KIAA0586: variants seen among roughly 807,000 people sequenced by gnomAD.
The protein encoded by KIAA0586 is protein TALPID3.
A neutral mutation model predicts 169.8 loss-of-function variants in KIAA0586; 144 were observed. The ratio of observed to expected loss-of-function variants is 0.85; its 90% CI spans 0.74 to 0.97. KIAA0586 has a LOEUF of 0.97. Among genes scored for constraint, KIAA0586 ranks in the 50% least tolerant of loss-of-function variants. The pLI, the probability that KIAA0586 is intolerant of heterozygous loss-of-function variation, is 0.00. For missense variants in KIAA0586, 1,854 were observed against 1,823.0 expected (o/e 1.02, Z -0.31); for synonymous variants, 625 against 612.4 (o/e 1.02, Z -0.30).
At position 58,443,883 on chromosome 14, in the gene KIAA0586, C is replaced by A. The variant is rs1446934967; in HGVS notation, c.586-71C>A. 7.7e-6 allele frequency: 7 copies of A among 903,308 alleles called. No individual in the cohort carries two copies. In the East Asian group the frequency reaches 1.1e-4, roughly 14 times the overall value. The allele number at this position is 903,308 out of a possible 1,614,324, so 56.0% of individuals were successfully genotyped here. On this transcript the variant is annotated intron_variant, in intron 5 of 30. Coordinates refer to ENST00000652326, the MANE Select transcript of KIAA0586 (RefSeq NM_001329943.3). ...TATCAATGCCAATTGATTTAAATAA[C>A]ATTTCTAGTAATTAGACATATTTTT...
Position 58,457,834 on chromosome 14 carries a change from A to G in KIAA0586, c.1438A>G (p.Thr480Ala). 1 of 1,608,266 alleles carries G rather than the reference A, an allele frequency of 6.2e-7. No homozygotes were observed. Residue 480 changes from threonine (T) to alanine (A), a missense_variant, in exon 11 of 31, where the codon ACA (threonine) becomes GCA (alanine). Transcript: ENST00000652326. ...TGTTAAGCTTCAAACAACCAATACA[A>G]CAAGATCTGTATTGAAAGATGCTGA... ...NSVKLQTTNT[T>A]RSVLKDAEKI... is the part of the protein sequence containing the mutation.
chr14:58,477,256 A>AT lies in KIAA0586; in HGVS notation c.2944+24dup, dbSNP rs768128741. ...TTCTGACATTGGTAAGTGAAATAGA[A>AT]TTTTTTTTTGTTTTTATTAAAAGAC... On this transcript the variant is annotated intron_variant, in intron 20 of 30. Coordinates refer to ENST00000652326, the MANE Select transcript of KIAA0586 (RefSeq NM_001329943.3). The AT allele has an allele frequency of 3.0e-4, 404 of 1,365,950 alleles. No individual in the cohort carries two copies. Among genetic ancestry groups the AT allele is most frequent in the Middle Eastern group, 3.7e-4 (2 of 5,368 alleles). 84.6% of individuals were successfully genotyped at this position (1,365,950 alleles called of 1,614,324 possible). A position where few individuals can be genotyped will look rare whatever the true frequency, so the allele number is the denominator to read the frequency against.
At chr14:58,444,417 A>C (rs1358488975) in intron 6 of KIAA0586, among the ~76,000 whole-genome samples, 1 of 151,884 alleles carries the variant, frequency 6.6e-6, no homozygotes, top group Non-Finnish European at 1.5e-5. Flanking sequence ...ATTTTTGTTC[A>C]TATCATTTTT....
At chr14:58,518,894 G>A (rs2044970813) in intron 29 of KIAA0586, among the ~76,000 whole-genome samples, 2 of 152,192 alleles carry the variant, frequency 1.3e-5, no homozygotes, top group South Asian at 4.1e-4. Context: ...CACTTTGAGA[G>A]GCCGAGGCAG....
chr14:58,427,476 C>T (rs1175765520), upstream of KIAA0586: 6 of 945,108 alleles, frequency 6.3e-6, no homozygotes, highest in Non-Finnish European at 9.5e-6. Context: ...AAGTCGGGAG[C>T]TCTTCAAGTC....
chr14:58,465,990 A>G lies in KIAA0586; in HGVS notation c.2215A>G (p.Thr739Ala), dbSNP rs2040735191. The G allele has an allele frequency of 1.2e-6, 2 of 1,612,958 alleles. No homozygotes were observed. Among genetic ancestry groups the G allele is most frequent in the African/African-American group, 1.3e-5 (1 of 74,916 alleles). The change falls in exon 15 of 31, where the codon ACA becomes GCA. Residue 739 changes from threonine (T) to alanine (A), a missense_variant. Thr to Ala is a moderately conservative substitution (Grantham distance 58, BLOSUM62 0). Transcript: ENST00000652326. Reference sequence around the variant, plus strand: ...TAGAGAAATGCCTACTTTTTCAGGTACATTGGAAGGTCATCTGATTCCTAT... The same window carrying G: ...TAGAGAAATGCCTACTTTTTCAGGTGCATTGGAAGGTCATCTGATTCCTAT... ...PSREMPTFSG[T>A]LEGHLIPMAI...
In KIAA0586 at chr14:58,444,060, T is replaced by C. The variant is rs771753369; in HGVS notation, c.692T>C (p.Ile231Thr). The change falls in exon 6 of 31, where the codon ATT becomes ACT. Residue 231 changes from isoleucine to threonine, a missense_variant. By Grantham distance (89) the Ile-to-Thr change is moderately conservative (BLOSUM62 -1). Transcript: ENST00000652326. Reference sequence around the variant, plus strand: ...CGTGTTACAGAGCAGCAAACAAGCATTCAGAGGAAACAAGAGAAATTACAT... The same window carrying C: ...CGTGTTACAGAGCAGCAAACAAGCACTCAGAGGAAACAAGAGAAATTACAT... ...LQRVTEQQTS[I>T]QRKQEKLHCH... The C allele has an allele frequency of 9.3e-6, 15 of 1,613,256 alleles. No individual in the cohort carries two copies. Among genetic ancestry groups the C allele is most frequent in the Non-Finnish European group, 1.2e-5 (14 of 1,179,536 alleles).
Position 58,465,893 on chromosome 14 carries a change from G to A in KIAA0586, c.2118G>A (p.Lys706=). The A allele has an allele frequency of 6.2e-7, 1 of 1,613,090 alleles. No homozygotes were observed. The highest frequency in any genetic ancestry group is 8.5e-7 in the Non-Finnish European group (1 of 1,179,362). ...QTDFYATKPK[K]MDSKMKHSVP... Reference sequence around the variant, plus strand: ...ACTTCTATGCAACAAAACCTAAGAAGATGGATTCTAAAATGAAACATTCTG... The same window carrying A: ...ACTTCTATGCAACAAAACCTAAGAAAATGGATTCTAAAATGAAACATTCTG... Residue 706 remains lysine, a synonymous_variant, in exon 15 of 31, where the codon AAG becomes AAA. Coordinates refer to ENST00000652326, the MANE Select transcript of KIAA0586 (RefSeq NM_001329943.3).
chr14:58,492,303 T>G (rs2042885970), intron 26 of KIAA0586, 28 bp downstream of exon 26: 1 of 1,529,630 alleles, frequency 6.5e-7, no homozygotes, highest in African/African-American at 1.4e-5. Context: ...TGACTTTTTT[T>G]TGGTTAGATC....
Position 58,448,426 on chromosome 14 carries a change from A to G in KIAA0586, c.894A>G (p.Val298=). 1 of 1,612,414 alleles carries G rather than the reference A, an allele frequency of 6.2e-7. No individual in the cohort carries two copies. ...CCAGAGCAGTGGAAAAGTATTCCGT[A>G]AAACCAGAACACCCTAATCTTGGTA... ...PSSRAVEKYS[V]KPEHPNLGSC... The change falls in exon 7 of 31, where the codon GTA becomes GTG. Residue 298 remains valine, a synonymous_variant. Coordinates refer to ENST00000652326, the MANE Select transcript of KIAA0586 (RefSeq NM_001329943.3).
upstream of KIAA0586, chr14:58,427,490 G>A (rs1333051748): frequency 1.7e-6 from 2 of 1,148,424 alleles, no homozygotes; most frequent in African/African-American, 1.5e-5. Flanking sequence ...TCAAGTCTTG[G>A]ATGAGACTGT....
intron 30 of KIAA0586, among the ~76,000 whole-genome samples, 167 bp downstream of exon 30, chr14:58,540,303 A>G (rs1369392392): frequency 6.6e-6 from 1 of 152,210 alleles, no homozygotes; most frequent in Non-Finnish European, 1.5e-5. Context: ...TCAGCTCTCC[A>G]AAAGGCGTAA....
intron 29 of KIAA0586, chr14:58,522,096 T>C: frequency 4.5e-6 from 3 of 666,052 alleles, no homozygotes; most frequent in Non-Finnish European, 8.0e-6. Context: ...CTTCAGCACA[T>C]GCTCACTGTT....
chr14:58,439,559 C>T (rs2038124215), intron 4 of KIAA0586, among the ~76,000 whole-genome samples: 2 of 152,296 alleles, frequency 1.3e-5, no homozygotes, highest in Non-Finnish European at 2.9e-5. Context: ...GCAATTTCTT[C>T]ATCTATAAAA....
chr14:58,489,320 A>G (rs2042685437), intron 24 of KIAA0586, among the ~76,000 whole-genome samples: 1 of 149,734 alleles, frequency 6.7e-6, no homozygotes, highest in South Asian at 2.1e-4. Flanking sequence ...CCTGGGCTCA[A>G]GTGATACTCC....
chr14:58,528,447 A>G (rs1451989720), intron 29 of KIAA0586, among the ~76,000 whole-genome samples: 2 of 152,168 alleles, frequency 1.3e-5, no homozygotes, highest in Non-Finnish European at 2.9e-5. Flanking sequence ...TGACCATATA[A>G]TTGGAAGTAA....
intron 11 of KIAA0586, 106 bp from the exon 12 acceptor site, chr14:58,458,367 G>A (rs2040044963): frequency 1.6e-6 from 1 of 643,798 alleles, no homozygotes. Flanking sequence ...TCAGATGAAA[G>A]ATATTAGGAT....
chr14:58,530,386 C>T (rs143617186), intron 29 of KIAA0586, among the ~76,000 whole-genome samples: 43 of 152,292 alleles, frequency 2.8e-4, no homozygotes, highest in African/African-American at 1.0e-3. Context: ...ATAGCCAAGA[C>T]AGTCCTAAGC....
intron 29 of KIAA0586, among the ~76,000 whole-genome samples, chr14:58,524,823 T>C (rs1035918852): frequency 2.0e-5 from 3 of 152,166 alleles, no homozygotes; most frequent in African/African-American, 7.2e-5. Context: ...TCAAGTGATT[T>C]TCTTGCCTCA....
Sources: gnomAD v4.1 joint callset for allele counts (sites outside exome capture counted in the v4.1 genomes callset) on GRCh38, gnomAD v4.1.1 for gene constraint, MANE v1.5 for transcripts, NCBI Gene and HGNC (gene_info 2026-07-23, HGNC 2026-07-21) for gene names.